Variants in CDH18 observed in about 807,000 individuals in gnomAD.
CDH18 encodes cadherin-18.
In CDH18, 31 loss-of-function variants were observed where a neutral mutation model predicts 67.9. The observed-to-expected ratio is 0.46, with a 90% CI of 0.34 to 0.62. CDH18 has a LOEUF of 0.62. Among genes scored for constraint, CDH18 ranks in the 20% least tolerant of loss-of-function variants. The pLI, the probability that CDH18 is intolerant of heterozygous loss-of-function variation, is 0.01. For missense variants in CDH18, 890 were observed against 975.5 expected, an observed-to-expected ratio of 0.91 and a Z score of 1.17; for synonymous variants, 362 against 347.2, an observed-to-expected ratio of 1.04 and a Z score of -0.48.
At chr5:19,608,339 C>T (rs1489103437) in intron 6 of CDH18, among the ~76,000 whole-genome samples, 7 of 151,444 alleles carry the variant, frequency 4.6e-5, no homozygotes, top group Non-Finnish European at 8.9e-5. Context: ...CTAGAAAGAC[C>T]TCAATTCTTT....
chr5:19,980,536 G>GTCCGTCTTCCTTGAAC, intron 2 of CDH18, among the ~76,000 whole-genome samples: 1 of 151,982 alleles, frequency 6.6e-6, no homozygotes, highest in Non-Finnish European at 1.5e-5. Flanking sequence ...CTTCCTTGAA[G>GTCCGTCTTCCTTGAAC]TCCATCTTCC....
intron 1 of CDH18, among the ~76,000 whole-genome samples, chr5:20,316,769 G>T (rs1737503269): frequency 6.6e-6 from 1 of 151,910 alleles, no homozygotes; most frequent in African/African-American, 2.4e-5. Flanking sequence ...TTTAGTTATT[G>T]TTTATTTATT....
chr5:19,692,241 C>T (rs1308860104), intron 5 of CDH18, among the ~76,000 whole-genome samples: 1 of 152,002 alleles, frequency 6.6e-6, no homozygotes, highest in Non-Finnish European at 1.5e-5. Context: ...TCAAAATGTA[C>T]TAAAGACTTA....
At chr5:20,019,014 G>T (rs932349250) in intron 2 of CDH18, among the ~76,000 whole-genome samples, 1 of 142,824 alleles carries the variant, frequency 7.0e-6, no homozygotes, top group Non-Finnish European at 1.5e-5. Context: ...AGCCAGGATG[G>T]TCTCAATCTC....
At chr5:20,124,935 C>G (rs1748691337) in intron 2 of CDH18, among the ~76,000 whole-genome samples, 1 of 151,880 alleles carries the variant, frequency 6.6e-6, no homozygotes, top group Non-Finnish European at 1.5e-5. Flanking sequence ...TTGTAATGGT[C>G]CTGGATAAAT....
At chr5:20,441,697 T>C (rs1749616223) in intron 1 of CDH18, among the ~76,000 whole-genome samples, 1 of 151,924 alleles carries the variant, frequency 6.6e-6, no homozygotes, top group Non-Finnish European at 1.5e-5. Flanking sequence ...TTTCAAAATA[T>C]GAAGCACTAT....
At chr5:19,878,153 T>G (rs973430846) in intron 2 of CDH18, 1 of 152,050 alleles carries the variant, frequency 6.6e-6, no homozygotes, top group Non-Finnish European at 1.5e-5. Context: ...TATGGCAATT[T>G]GAGGGGAATT....
intron 3 of CDH18, among the ~76,000 whole-genome samples, chr5:19,814,607 G>A (rs1779095137): frequency 6.6e-6 from 1 of 151,888 alleles, no homozygotes; most frequent in African/African-American, 2.4e-5. Context: ...ATACCCTTTT[G>A]CACTTGTAGG....
chr5:19,835,176 G>T (rs1581568335), intron 3 of CDH18, among the ~76,000 whole-genome samples: 1 of 152,124 alleles, frequency 6.6e-6, no homozygotes, highest in African/African-American at 2.4e-5. Context: ...ATACACCATG[G>T]AGTAGTATGC....
chr5:20,200,306 C>A (rs777571706), intron 2 of CDH18, among the ~76,000 whole-genome samples: 1 of 152,066 alleles, frequency 6.6e-6, no homozygotes, highest in Non-Finnish European at 1.5e-5. Flanking sequence ...ATTGCTGGGT[C>A]TTTTGCTTAC....
At position 19,587,236 on chromosome 5, in the gene CDH18, T is replaced by C. The variant is rs78224629; in HGVS notation, c.999+3821A>G. On this transcript the variant is annotated intron_variant, in intron 7 of 12. Coordinates refer to ENST00000382275, the MANE Select transcript of CDH18 (RefSeq NM_004934.5). The stretch of plus-strand genomic sequence containing the variant: ...AATTATTAGATTGGTACAAAAGTAA[T>C]TGTGATTTTGCAACTAAAATAAATG... Among the ~76,000 whole-genome samples, 78 of 152,254 alleles carry C rather than the reference T, an allele frequency of 5.1e-4. No homozygotes were observed. In the East Asian group the frequency reaches 0.013, roughly 25 times the overall value.
intron 1 of CDH18, among the ~76,000 whole-genome samples, chr5:20,378,678 G>A (rs1029491382): frequency 1.7e-4 from 26 of 152,008 alleles, no homozygotes; most frequent in Non-Finnish European, 3.1e-4. Context: ...GCCAAACACC[G>A]GGTGCTAACG....
At chr5:20,283,106 A>C (rs951184362) in intron 1 of CDH18, among the ~76,000 whole-genome samples, 2 of 152,112 alleles carry the variant, frequency 1.3e-5, no homozygotes, top group African/African-American at 4.8e-5. Context: ...TTGTCTTATC[A>C]AAATAAATTA....
chr5:20,093,834 A>AT (rs1254376476), intron 2 of CDH18, among the ~76,000 whole-genome samples: 1 of 152,166 alleles, frequency 6.6e-6, no homozygotes, highest in East Asian at 1.9e-4. Flanking sequence ...AAGCCAGTGA[A>AT]GTTTTCATAA....
chr5:20,121,121 GT>G (rs1199407164), intron 2 of CDH18, among the ~76,000 whole-genome samples: 1 of 152,150 alleles, frequency 6.6e-6, no homozygotes, highest in Admixed American at 6.5e-5. Flanking sequence ...AATTTGTAAT[GT>G]TTTATCTGTG....
intron 3 of CDH18, among the ~76,000 whole-genome samples, chr5:19,832,169 G>A (rs919289110): frequency 6.6e-6 from 1 of 152,006 alleles, no homozygotes; most frequent in Admixed American, 6.6e-5. Context: ...TTACTACCTG[G>A]GTAATGGGTT....
At chr5:20,255,638 A>G (rs897565155) in intron 1 of CDH18, 2 of 151,944 alleles carry the variant, frequency 1.3e-5, no homozygotes, top group South Asian at 4.1e-4. Flanking sequence ...GAAGAGATAA[A>G]TTTTTGAGAA....
chr5:19,648,123 A>T (rs1580690099), intron 5 of CDH18, among the ~76,000 whole-genome samples: 1 of 152,164 alleles, frequency 6.6e-6, no homozygotes, highest in African/African-American at 2.4e-5. Context: ...TTCAGTTATA[A>T]AGAGAAGCAG....
intron 5 of CDH18, among the ~76,000 whole-genome samples, chr5:19,671,183 G>A (rs1301928985): frequency 6.6e-6 from 1 of 152,040 alleles, no homozygotes; most frequent in East Asian, 1.9e-4. Context: ...TTCAGGGACA[G>A]GGACTGAGCA....
Sources: gnomAD v4.1 joint callset for allele counts (sites outside exome capture counted in the v4.1 genomes callset) on GRCh38, gnomAD v4.1.1 for gene constraint, MANE v1.5 for transcripts, NCBI Gene and HGNC (gene_info 2026-07-23, HGNC 2026-07-21) for gene names.